Variants in ITGB3 observed in about 807,000 individuals in gnomAD.
ITGB3 encodes integrin subunit beta 3.
ITGB3 carries 48 observed loss-of-function variants against 85.8 expected under a neutral mutation model. The ratio of observed to expected loss-of-function variants is 0.56; its 90% confidence interval spans 0.44 to 0.71. ITGB3 has a LOEUF of 0.71. Ranked by LOEUF, ITGB3 falls within the 30% of genes least tolerant of loss-of-function variation. ITGB3 has a pLI of 0.00. For missense variants in ITGB3, 861 were observed against 1,019.1 expected, an observed-to-expected ratio of 0.84 and a Z score of 2.11; for synonymous variants, 363 against 395.6, an observed-to-expected ratio of 0.92 and a Z score of 0.98.
chr17:47,287,227 C>G lies in ITGB3; in HGVS notation c.935C>G (p.Thr312Ser), dbSNP rs760392532. The G allele has an allele frequency of 1.2e-6, 2 of 1,613,844 alleles. No individual in the cohort carries two copies. Among genetic ancestry groups the G allele is most frequent in the South Asian group, 1.1e-5 (1 of 91,068 alleles). The change falls in exon 6 of 15, where the codon ACC becomes AGC. Residue 312 changes from threonine to serine, a missense_variant. Physicochemically the swap from Thr to Ser is moderately conservative, Grantham distance 58 (BLOSUM62 1). Coordinates refer to ENST00000559488, the MANE Select transcript of ITGB3 (RefSeq NM_000212.3). The stretch of plus-strand genomic sequence containing the variant: ...GACAATCATTACTCTGCCTCCACTA[C>G]CATGGTGAGATCTCTGGCACCACCT... ...GSDNHYSAST[T>S]MDYPSLGLMT...
chr17:47,308,320 A>G (rs556402877), intron 14 of ITGB3, among the ~76,000 whole-genome samples: 1 of 151,898 alleles, frequency 6.6e-6, no homozygotes, highest in South Asian at 2.1e-4. Context: ...CTTCTTTCAC[A>G]TTTCAACTTT....
Position 47,283,459 on chromosome 17 carries a change from G to C in ITGB3, c.271G>C (p.Glu91Gln), listed in dbSNP as rs770559883. Residue 91 changes from glutamate to glutamine, a missense_variant, in exon 3 of 15, where the codon GAG becomes CAG. Physicochemically the swap from Glu to Gln is conservative, Grantham distance 29. Transcript: ENST00000559488. ...CCCAGTGAGTGAGGCCCGAGTACTA[G>C]AGGACAGGCCCCTCAGCGACAAGGG... ...EFPVSEARVL[E>Q]DRPLSDKGSG... is the part of the protein sequence containing the mutation. The C allele has an allele frequency of 3.1e-6, 5 of 1,614,104 alleles. No individual in the cohort carries two copies. The highest frequency in any genetic ancestry group is 2.7e-5 in the African/African-American group (2 of 74,934).
At chr17:47,297,570 C>T (rs1004604494) in intron 10 of ITGB3, among the ~76,000 whole-genome samples, 14 of 151,930 alleles carry the variant, frequency 9.2e-5, no homozygotes, top group Non-Finnish European at 4.4e-5. Flanking sequence ...GCAGGAGAAT[C>T]GCTTGAACAC....
intron 10 of ITGB3, among the ~76,000 whole-genome samples, chr17:47,298,138 A>C (rs1257345302): frequency 2.0e-5 from 3 of 152,138 alleles, no homozygotes; most frequent in Non-Finnish European, 4.4e-5. Context: ...TAATTAAAAA[A>C]ATGTTGAATT....
At chr17:47,291,177 C>T (rs1598694001) in intron 9 of ITGB3, 89 bp downstream of exon 9, 1 of 1,502,812 alleles carries the variant, frequency 6.7e-7, no homozygotes, top group East Asian at 2.3e-5. Flanking sequence ...AAAATGGCCC[C>T]CTTCCACCAG....
Position 47,312,310 on chromosome 17 carries a change from C to T in ITGB3, c.*2106C>T, listed in dbSNP as rs1037924923. On this transcript the variant is annotated 3_prime_UTR_variant, in exon 15 of 15. Transcript: ENST00000559488. ...TTATTGTGTTAACATTGAGAATAAG[C>T]CTTGGAATTAGATATGGGGCAATGA... Among the ~76,000 whole-genome samples, 1 of 152,166 alleles carries T rather than the reference C, an allele frequency of 6.6e-6. No homozygotes were observed. Among genetic ancestry groups the T allele is most frequent in the African/African-American group, 2.4e-5 (1 of 41,440 alleles).
At chr17:47,297,738 C>T (rs189778354) in intron 10 of ITGB3, among the ~76,000 whole-genome samples, 29 of 151,856 alleles carry the variant, frequency 1.9e-4, no homozygotes, top group Admixed American at 1.8e-3. Context: ...AATAATTAGC[C>T]AGCTGCAGTG....
At chr17:47,267,544 G>C (rs1567760196) in intron 1 of ITGB3, among the ~76,000 whole-genome samples, 1 of 152,158 alleles carries the variant, frequency 6.6e-6, no homozygotes, top group African/African-American at 2.4e-5. Flanking sequence ...AGCAGGACTT[G>C]GTTGGGGGTA....
chr17:47,306,807 G>A (rs1435795832), intron 13 of ITGB3, among the ~76,000 whole-genome samples: 1 of 151,862 alleles, frequency 6.6e-6, no homozygotes, highest in African/African-American at 2.4e-5. Context: ...AGCCTCCCAA[G>A]TAGCTGGGAT....
intron 1 of ITGB3, among the ~76,000 whole-genome samples, chr17:47,261,694 G>A (rs1027276762): frequency 1.6e-4 from 25 of 151,920 alleles, no homozygotes; most frequent in African/African-American, 6.0e-4. Context: ...TAATTTTTGT[G>A]TTTTTGATAG....
Position 47,283,479 on chromosome 17 carries a change from C to G in ITGB3, c.291C>G (p.Asp97Glu), listed in dbSNP as rs922614540. ...TACTAGAGGACAGGCCCCTCAGCGACAAGGGCTCTGGAGACAGCTCCCAGG... is the reference window on the plus strand; with the variant it reads ...TACTAGAGGACAGGCCCCTCAGCGAGAAGGGCTCTGGAGACAGCTCCCAGG... ...ARVLEDRPLS[D>E]KGSGDSSQVT... is the part of the protein sequence containing the mutation. The change falls in exon 3 of 15, where the codon GAC (aspartate) becomes GAG (glutamate). Residue 97 changes from aspartate to glutamate, a missense_variant. Coordinates refer to ENST00000559488, the MANE Select transcript of ITGB3 (RefSeq NM_000212.3). The G allele has an allele frequency of 4.3e-6, 7 of 1,614,086 alleles. No homozygotes were observed. Among genetic ancestry groups the G allele is most frequent in the Non-Finnish European group, 5.1e-6 (6 of 1,180,044 alleles).
intron 10 of ITGB3, 55 bp downstream of exon 10, chr17:47,292,623 G>A (rs1598694974): frequency 6.4e-7 from 1 of 1,571,306 alleles, no homozygotes; most frequent in South Asian, 1.1e-5. Context: ...TCATATACCT[G>A]CAACCACTGG....
In ITGB3 at chr17:47,287,223, A is replaced by G. The variant is rs1328852554; in HGVS notation, c.931A>G (p.Thr311Ala). 2 of 1,613,764 alleles carry G rather than the reference A, an allele frequency of 1.2e-6. No individual in the cohort carries two copies. Among genetic ancestry groups the G allele is most frequent in the South Asian group, 1.1e-5 (1 of 91,068 alleles). Residue 311 changes from threonine to alanine, a missense_variant, in exon 6 of 15, where the codon ACT (threonine) becomes GCT (alanine). Thr to Ala is a moderately conservative substitution (Grantham distance 58). Transcript: ENST00000559488. ...TAGTGACAATCATTACTCTGCCTCCACTACCATGGTGAGATCTCTGGCACC... is the reference window on the plus strand; with the variant it reads ...TAGTGACAATCATTACTCTGCCTCCGCTACCATGGTGAGATCTCTGGCACC... Reference protein sequence around the residue: ...VGSDNHYSASTTMDYPSLGLM... With the variant: ...VGSDNHYSASATMDYPSLGLM...
chr17:47,283,436 C>A lies in ITGB3; in HGVS notation c.248C>A (p.Pro83Gln). The part of the protein sequence containing the change: ...DNCAPESIEF[P>Q]VSEARVLEDR... ...TGTGCCCCAGAATCCATCGAGTTCC[C>A]AGTGAGTGAGGCCCGAGTACTAGAG... is the stretch of plus-strand genomic sequence containing the variant. The change falls in exon 3 of 15, where the codon CCA becomes CAA. Residue 83 changes from proline to glutamine, a missense_variant. Physicochemically the swap from Pro to Gln is moderately conservative, Grantham distance 76. Transcript: ENST00000559488. 5 of 1,614,184 alleles carry A rather than the reference C, an allele frequency of 3.1e-6. No homozygotes were observed. Among genetic ancestry groups the A allele is most frequent in the Non-Finnish European group, 4.2e-6 (5 of 1,180,050 alleles).
chr17:47,299,269 T>C lies in ITGB3; in HGVS notation c.1691-39T>C, dbSNP rs1436498673. On this transcript the variant is annotated intron_variant, in intron 10 of 14. Coordinates refer to ENST00000559488, the MANE Select transcript of ITGB3 (RefSeq NM_000212.3). This position sits in a 1 kb window ranked among gnomAD's most constrained non-coding sequence, Gnocchi z 5.1. Reference sequence around the variant, plus strand: ...GCCTGCTGCCATGGGAGTGGAGCTCTCGCCAGCGGGTCCACCTTCCTGGGC... The same window carrying C: ...GCCTGCTGCCATGGGAGTGGAGCTCCCGCCAGCGGGTCCACCTTCCTGGGC... 6.3e-7 allele frequency: 1 copy of C among 1,591,466 alleles called. No homozygotes were observed.
At chr17:47,254,446 C>T (rs1053043308) in intron 1 of ITGB3, among the ~76,000 whole-genome samples, 11 of 152,232 alleles carry the variant, frequency 7.2e-5, no homozygotes, top group African/African-American at 2.7e-4. Context: ...GTTACGCTTT[C>T]TCCAGAAGGT....
In ITGB3 at chr17:47,290,190, T is replaced by C. The variant is rs1413344770; in HGVS notation, c.1041T>C (p.Tyr347=). The C allele has an allele frequency of 1.2e-6, 2 of 1,613,580 alleles. No individual in the cohort carries two copies. The highest frequency in any genetic ancestry group is 2.7e-5 in the African/African-American group (2 of 75,038). ...ATCTTTGTTTTCCTTTCTAGAACTA[T>C]AGTGAGCTCATCCCAGGGACCACAG... is the stretch of plus-strand genomic sequence containing the variant. ...TENVVNLYQN[Y]SELIPGTTVG... is the part of the protein sequence containing the mutation. The change falls in exon 8 of 15, where the codon TAT becomes TAC. Residue 347 remains tyrosine (Y), a synonymous_variant. Coordinates refer to ENST00000559488, the MANE Select transcript of ITGB3 (RefSeq NM_000212.3).
intron 12 of ITGB3, among the ~76,000 whole-genome samples, 158 bp from the exon 13 acceptor site, chr17:47,302,563 G>T (rs1364830497): frequency 7.2e-5 from 11 of 152,248 alleles, no homozygotes; most frequent in Non-Finnish European, 1.0e-4. Context: ...AGTGGCAACT[G>T]CCAGACACAA....
chr17:47,260,616 G>A (rs975582635), intron 1 of ITGB3, among the ~76,000 whole-genome samples: 1 of 152,082 alleles, frequency 6.6e-6, no homozygotes, highest in Admixed American at 6.5e-5. Flanking sequence ...TTTAGCCATC[G>A]CACGTGTTGA....
Sources: gnomAD v4.1 joint callset for allele counts (sites outside exome capture counted in the v4.1 genomes callset) on GRCh38, gnomAD v4.1.1 for gene constraint, Gnocchi (gnomAD v3.1) non-coding constraint, MANE v1.5 for transcripts, NCBI Gene and HGNC (gene_info 2026-07-23, HGNC 2026-07-21) for gene names.